The following KLF12 variants were observed in gnomAD, a reference collection of about 807,000 sequenced individuals.
KLF12 encodes Krueppel-like factor 12.
KLF12 carries 9 observed loss-of-function variants against 37.8 expected under a neutral mutation model. The observed-to-expected ratio is 0.24, with a 90% CI of 0.14 to 0.42. The LOEUF is 0.42. Ranked by LOEUF, KLF12 falls within the 10% of genes least tolerant of loss-of-function variation. The pLI, the probability that KLF12 is intolerant of heterozygous loss-of-function variation, is 1.00. For missense variants in KLF12, 411 were observed against 516.0 expected (o/e 0.80, Z 1.97); for synonymous variants, 208 against 202.1 (o/e 1.03, Z -0.25).
intron 3 of KLF12, among the ~76,000 whole-genome samples, chr13:73,881,218 T>G (rs1886964500): frequency 6.6e-6 from 1 of 152,154 alleles, no homozygotes; most frequent in Non-Finnish European, 1.5e-5. Context: ...TCACTTTTAT[T>G]TCTGTATTTT....
chr13:73,801,836 T>C (rs1882293399), intron 5 of KLF12: 1 of 152,200 alleles, frequency 6.6e-6, no homozygotes, highest in African/African-American at 2.4e-5. Flanking sequence ...AAACTGTAAG[T>C]GGCTCATCAG....
intron 5 of KLF12, among the ~76,000 whole-genome samples, chr13:73,797,396 C>G (rs578206083): frequency 2.6e-5 from 4 of 152,272 alleles, no homozygotes; most frequent in Non-Finnish European, 5.9e-5. Flanking sequence ...TTAGTTATCA[C>G]CAAAACTATC....
At chr13:73,892,142 T>C (rs1269023658) in intron 3 of KLF12, among the ~76,000 whole-genome samples, 1 of 152,134 alleles carries the variant, frequency 6.6e-6, no homozygotes, top group African/African-American at 2.4e-5. Context: ...ATTTGGGCAT[T>C]TTAAGAAGGC....
intron 2 of KLF12, among the ~76,000 whole-genome samples, chr13:73,980,074 C>T (rs888145788): frequency 1.2e-4 from 18 of 152,096 alleles, no homozygotes; most frequent in Admixed American, 2.0e-4. Context: ...AAATAAATTT[C>T]GGTTGTTTAA....
intron 4 of KLF12, among the ~76,000 whole-genome samples, chr13:73,822,296 C>A (rs1331519493): frequency 6.6e-6 from 1 of 152,220 alleles, no homozygotes; most frequent in Non-Finnish European, 1.5e-5. Context: ...TGAAAACGTT[C>A]ATAATTTTTA....
intron 6 of KLF12, among the ~76,000 whole-genome samples, chr13:73,761,376 C>T (rs1346208166): frequency 6.6e-6 from 1 of 152,172 alleles, no homozygotes; most frequent in Non-Finnish European, 1.5e-5. Flanking sequence ...GAAAAAGTCT[C>T]TGCTCTCCTT....
chr13:73,949,088 G>A (rs971307622), intron 2 of KLF12, among the ~76,000 whole-genome samples: 4 of 152,126 alleles, frequency 2.6e-5, no homozygotes, highest in African/African-American at 7.2e-5. Context: ...ACATAAGGAG[G>A]TTAAATTGCC....
At chr13:73,936,127 ATAAGTTC>A (rs1430260754) in intron 3 of KLF12, among the ~76,000 whole-genome samples, 1 of 152,172 alleles carries the variant, frequency 6.6e-6, no homozygotes, top group African/African-American at 2.4e-5. Context: ...AAACTTGGTT[ATAAGTTC>A]TATTTTCCTG....
intron 5 of KLF12, among the ~76,000 whole-genome samples, chr13:73,795,922 A>G (rs1881934758): frequency 6.6e-6 from 1 of 152,248 alleles, no homozygotes; most frequent in East Asian, 1.9e-4. Context: ...TGATGTACCT[A>G]GAATAAATAG....
chr13:74,125,256 C>A (rs1877879198), intron 1 of KLF12, among the ~76,000 whole-genome samples: 1 of 151,818 alleles, frequency 6.6e-6, no homozygotes, highest in African/African-American at 2.4e-5. Flanking sequence ...TATAACGAAT[C>A]TTTTCCATAT....
At chr13:73,972,211 T>C (rs935697392) in intron 2 of KLF12, among the ~76,000 whole-genome samples, 1 of 152,170 alleles carries the variant, frequency 6.6e-6, no homozygotes, top group Non-Finnish European at 1.5e-5. Flanking sequence ...ATTTAAAGGC[T>C]AACATTATGA....
intron 1 of KLF12, among the ~76,000 whole-genome samples, chr13:74,067,529 C>A (rs1873985722): frequency 6.6e-6 from 1 of 152,118 alleles, no homozygotes; most frequent in African/African-American, 2.4e-5. Context: ...TAGAAGGATG[C>A]AGTTGCTAAT....
chr13:74,076,885 G>A (rs367689084), intron 1 of KLF12, among the ~76,000 whole-genome samples: 1 of 152,218 alleles, frequency 6.6e-6, no homozygotes, highest in African/African-American at 2.4e-5. Context: ...TTGTAATTGA[G>A]AACCTGTGGT....
In KLF12 at chr13:73,695,326, C is replaced by T. The variant is rs76605150; in HGVS notation, c.*164G>A. On this transcript the variant is annotated 3_prime_UTR_variant, in exon 8 of 8. Coordinates refer to ENST00000377669, the MANE Select transcript of KLF12 (RefSeq NM_007249.5). Reference sequence around the variant, plus strand: ...TCTCGTCTAGTCATGATGGGGGTTACCTTCAGACCAAAAGAAGTGTGCCTT... The same window carrying T: ...TCTCGTCTAGTCATGATGGGGGTTATCTTCAGACCAAAAGAAGTGTGCCTT... 0.017 allele frequency: 10,860 copies of T among 658,002 alleles called. 151 individuals carry two copies. Among genetic ancestry groups the T allele is most frequent in the South Asian group, 0.049 (2,407 of 49,050 alleles). The allele number at this position is 658,002 out of a possible 1,614,324, so 40.8% of individuals were successfully genotyped here. A position where few individuals can be genotyped will look rare whatever the true frequency, so the allele number is the denominator to read the frequency against.
At chr13:73,906,228 T>C (rs943526508) in intron 3 of KLF12, among the ~76,000 whole-genome samples, 24 of 152,350 alleles carry the variant, frequency 1.6e-4, no homozygotes, top group African/African-American at 4.6e-4. Context: ...CTACTTGGGA[T>C]ACTTTGTACA....
At chr13:73,742,012 C>T (rs1322514668) in intron 6 of KLF12, among the ~76,000 whole-genome samples, 1 of 90,596 alleles carries the variant, frequency 1.1e-5, no homozygotes, top group African/African-American at 3.0e-5. Flanking sequence ...TCACGTTGAC[C>T]TTTTACAAGA....
At chr13:73,767,511 T>C (rs1011202313) in intron 5 of KLF12, among the ~76,000 whole-genome samples, 1 of 152,220 alleles carries the variant, frequency 6.6e-6, no homozygotes, top group Non-Finnish European at 1.5e-5. Flanking sequence ...AAGGGCAATC[T>C]TGGTTGTTGT....
chr13:73,727,351 T>C (rs1876739760), intron 6 of KLF12, among the ~76,000 whole-genome samples: 2 of 152,200 alleles, frequency 1.3e-5, no homozygotes, highest in Non-Finnish European at 2.9e-5. Context: ...CATGATCAAT[T>C]GTTGAGTTCA....
intron 1 of KLF12, among the ~76,000 whole-genome samples, chr13:74,038,822 A>G (rs1762456189): frequency 6.6e-6 from 1 of 152,132 alleles, no homozygotes; most frequent in Non-Finnish European, 1.5e-5. Context: ...TTTAAGATAC[A>G]TCTTTGGAAA....
Sources: gnomAD v4.1 joint callset for allele counts (sites outside exome capture counted in the v4.1 genomes callset) on GRCh38, gnomAD v4.1.1 for gene constraint, MANE v1.5 for transcripts, NCBI Gene and HGNC (gene_info 2026-07-23, HGNC 2026-07-21) for gene names.